The following MLLT10 variants were observed in gnomAD, a reference collection of about 807,000 sequenced individuals.
The protein encoded by MLLT10 is protein AF-10.
A neutral mutation model predicts 129.1 loss-of-function variants in MLLT10; 30 were observed. The observed-to-expected ratio is 0.23, with a 90% confidence interval of 0.17 to 0.32. The LOEUF is 0.32. MLLT10 is among the 10% of genes least tolerant of loss of function. The pLI is 1.00. For missense variants in MLLT10, 1,119 were observed against 1,268.3 expected, an observed-to-expected ratio of 0.88 and a Z score of 1.79; for synonymous variants, 490 against 446.4, an observed-to-expected ratio of 1.10 and a Z score of -1.23.
chr10:21,732,019 C>T (rs796298017), intron 17 of MLLT10, among the ~76,000 whole-genome samples: 3 of 152,100 alleles, frequency 2.0e-5, no homozygotes, highest in East Asian at 3.9e-4. Context: ...ATAGGTTTAG[C>T]TGAGTCTTAT....
chr10:21,554,448 C>T (rs1435230967), intron 3 of MLLT10, among the ~76,000 whole-genome samples: 1 of 151,370 alleles, frequency 6.6e-6, no homozygotes, highest in Non-Finnish European at 1.5e-5. Flanking sequence ...GGCCCTCCTT[C>T]ACTTAAATTT....
chr10:21,607,233 A>G lies in MLLT10; in HGVS notation c.406-5115A>G, dbSNP rs749903346. 2.2e-4 allele frequency among the ~76,000 whole-genome samples: 33 copies of G among 152,114 alleles called. 1 individual carries two copies. The highest frequency in any genetic ancestry group is 4.1e-4 in the Non-Finnish European group (28 of 68,028). On this transcript the variant is annotated intron_variant, in intron 5 of 22. Coordinates refer to ENST00000307729, the MANE Select transcript of MLLT10 (RefSeq NM_001195626.3). Reference sequence around the variant, plus strand: ...CTGTAAAGCTCCATTGCCCTCTTCCACATTTTGCTATTATTATAATAAACA... The same window carrying G: ...CTGTAAAGCTCCATTGCCCTCTTCCGCATTTTGCTATTATTATAATAAACA...
chr10:21,680,805 C>T (rs1412679344), intron 11 of MLLT10, among the ~76,000 whole-genome samples: 1 of 151,954 alleles, frequency 6.6e-6, no homozygotes, highest in Admixed American at 6.6e-5. Context: ...AACCCTGTCT[C>T]TACTAAAGAT....
chr10:21,653,399 G>T (rs2049247828), intron 9 of MLLT10, among the ~76,000 whole-genome samples: 1 of 152,160 alleles, frequency 6.6e-6, no homozygotes, highest in Non-Finnish European at 1.5e-5. Flanking sequence ...TTGGCTTCTA[G>T]AGCCTCTTTT....
chr10:21,593,640 T>C (rs2042720414), intron 4 of MLLT10, among the ~76,000 whole-genome samples: 1 of 151,920 alleles, frequency 6.6e-6, no homozygotes, highest in Admixed American at 6.6e-5. Flanking sequence ...AATGAAGAAA[T>C]TTTAGGCTGG....
At chr10:21,611,876 C>T (rs748094415) in intron 5 of MLLT10, among the ~76,000 whole-genome samples, 10 of 152,134 alleles carry the variant, frequency 6.6e-5, no homozygotes, top group Non-Finnish European at 1.2e-4. Context: ...ATGACCTAAA[C>T]GTTGCTAATT....
intron 13 of MLLT10, among the ~76,000 whole-genome samples, chr10:21,685,930 AGCC>A (rs2053249184): frequency 6.6e-6 from 1 of 152,232 alleles, no homozygotes; most frequent in African/African-American, 2.4e-5. Context: ...GATGAATAAA[AGCC>A]AACTTCTAAA....
intron 3 of MLLT10, among the ~76,000 whole-genome samples, chr10:21,585,639 TA>T (rs1203969839): frequency 6.6e-6 from 1 of 152,362 alleles, no homozygotes; most frequent in East Asian, 1.9e-4. Flanking sequence ...AGGCATATGT[TA>T]AAAGCCTTGC....
intron 4 of MLLT10, among the ~76,000 whole-genome samples, chr10:21,594,791 G>A (rs937889437): frequency 7.3e-5 from 11 of 149,868 alleles, no homozygotes; most frequent in African/African-American, 2.5e-4. Flanking sequence ...CCGAGATCGC[G>A]CCATTGCACT....
chr10:21,638,408 C>G (rs1193433368), intron 8 of MLLT10, among the ~76,000 whole-genome samples: 1 of 151,998 alleles, frequency 6.6e-6, no homozygotes, highest in Non-Finnish European at 1.5e-5. Flanking sequence ...CAGTTTAATT[C>G]CCCAAAGACC....
rs2047009776 is a variant in MLLT10 at position 21,631,481 on chromosome 10, A to G, written c.699+14274A>G. Among the ~76,000 whole-genome samples the G allele has an allele frequency of 2.7e-5, 4 of 150,566 alleles. No homozygotes were observed. In the South Asian group the frequency reaches 8.4e-4, roughly 32 times the overall value. ...TCTTTCTGCCTTTACTGGAGGCTGT[A>G]TTAGTCCATTCTCACACTGCTATAA... is the stretch of plus-strand genomic sequence containing the variant. On this transcript the variant is annotated intron_variant, in intron 8 of 22. Transcript: ENST00000307729.
At chr10:21,691,778 G>A (rs563496702) in intron 13 of MLLT10, among the ~76,000 whole-genome samples, 177 of 152,104 alleles carry the variant, frequency 1.2e-3, no homozygotes, top group South Asian at 7.3e-3. Context: ...GGGTAATAAC[G>A]CAATGGTTAC....
At chr10:21,735,347 A>G (rs2058275159) in intron 21 of MLLT10, 112 bp downstream of exon 21, 4 of 947,874 alleles carry the variant, frequency 4.2e-6, no homozygotes, top group Non-Finnish European at 6.4e-6. Flanking sequence ...ATGCATAATC[A>G]AAAAAGTTTT....
At chr10:21,637,337 G>A (rs1011893297) in intron 8 of MLLT10, among the ~76,000 whole-genome samples, 1 of 152,162 alleles carries the variant, frequency 6.6e-6, no homozygotes, top group Non-Finnish European at 1.5e-5. Flanking sequence ...GAACGTTGAA[G>A]TGAGTGTCAT....
intron 3 of MLLT10, among the ~76,000 whole-genome samples, chr10:21,576,630 A>G (rs1160090250): frequency 4.7e-5 from 7 of 148,092 alleles, no homozygotes; most frequent in Admixed American, 2.7e-4. Context: ...GCTAATACAC[A>G]ATTTTTTTTT....
At chr10:21,687,251 G>A (rs2053399044) in intron 13 of MLLT10, among the ~76,000 whole-genome samples, 1 of 152,170 alleles carries the variant, frequency 6.6e-6, no homozygotes, top group Non-Finnish European at 1.5e-5. Flanking sequence ...CTCAAGAACA[G>A]GGTTCTACTT....
chr10:21,676,791 A>G (rs2052206618), intron 11 of MLLT10, among the ~76,000 whole-genome samples: 1 of 150,098 alleles, frequency 6.7e-6, no homozygotes, highest in African/African-American at 2.4e-5. Flanking sequence ...TGTTAAAGCT[A>G]TAATCATGGA....
chr10:21,717,641 TTCC>T (rs1225160272), intron 14 of MLLT10, among the ~76,000 whole-genome samples: 14 of 50,146 alleles, frequency 2.8e-4, no homozygotes, highest in East Asian at 2.3e-3. Flanking sequence ...CCTCCTCCTT[TTCC>T]TCCTCCTCTT....
intron 8 of MLLT10, chr10:21,624,509 G>T: frequency 1.2e-6 from 1 of 847,406 alleles, no homozygotes; most frequent in Non-Finnish European, 1.7e-6. Context: ...AGATGAAACA[G>T]TTAAACAAAA....
Sources: gnomAD v4.1 joint callset for allele counts (sites outside exome capture counted in the v4.1 genomes callset) on GRCh38, gnomAD v4.1.1 for gene constraint, MANE v1.5 for transcripts, NCBI Gene and HGNC (gene_info 2026-07-23, HGNC 2026-07-21) for gene names.